Variants in RAPH1 observed in about 807,000 individuals in gnomAD.
RAPH1 encodes the protein ras-associated and pleckstrin homology domains-containing protein 1.
Under a neutral mutation model 88.1 loss-of-function variants are expected in RAPH1, and 18 were observed. The observed-to-expected ratio is 0.20, with a 90% CI of 0.14 to 0.30. The LOEUF is 0.30. Among genes scored for constraint, RAPH1 ranks in the 10% least tolerant of loss-of-function variants. The pLI is 1.00. For missense variants in RAPH1, 1,448 were observed against 1,543.2 expected (o/e 0.94, Z 1.03); for synonymous variants, 587 against 559.0 (o/e 1.05, Z -0.71).
At chr2:203,458,479 C>T (rs1039889537) in intron 7 of RAPH1, among the ~76,000 whole-genome samples, 1 of 152,226 alleles carries the variant, frequency 6.6e-6, no homozygotes, top group African/African-American at 2.4e-5. Flanking sequence ...ATACCAAAAT[C>T]TGCTGATGCT....
chr2:203,534,505 TCCACC>T (rs1351753050), intron 1 of RAPH1, among the ~76,000 whole-genome samples: 57 of 7,378 alleles, frequency 7.7e-3, no homozygotes, highest in African/African-American at 0.015. Flanking sequence ...CCTCCCTCCG[TCCACC>T]CCCCCCCCCC....
chr2:203,532,406 T>C (rs1690429067), intron 1 of RAPH1, among the ~76,000 whole-genome samples: 1 of 152,236 alleles, frequency 6.6e-6, no homozygotes, highest in Non-Finnish European at 1.5e-5. Context: ...TTGTATGTTA[T>C]GCATACTTTA....
chr2:203,502,221 G>A (rs1172148026), intron 1 of RAPH1, among the ~76,000 whole-genome samples: 1 of 152,180 alleles, frequency 6.6e-6, no homozygotes, highest in Non-Finnish European at 1.5e-5. Flanking sequence ...AAAACTGCCA[G>A]ATGGAACCAA....
Position 203,439,380 on chromosome 2 carries a change from A to G in RAPH1, c.*57T>C. On this transcript the variant is annotated 3_prime_UTR_variant, in exon 14 of 14. Coordinates refer to ENST00000319170, the MANE Select transcript of RAPH1 (RefSeq NM_213589.3). Reference sequence around the variant, plus strand: ...TGAACACCTGAATTCACAGATGATCAGGTGAGCTGATTGTAGCAGTGATTA... The same window carrying G: ...TGAACACCTGAATTCACAGATGATCGGGTGAGCTGATTGTAGCAGTGATTA... 6.6e-7 allele frequency: 1 copy of G among 1,515,506 alleles called. No individual in the cohort carries two copies. Among genetic ancestry groups the G allele is most frequent in the African/African-American group, 1.4e-5 (1 of 72,966 alleles). The allele number at this position is 1,515,506 out of a possible 1,614,324, so 93.9% of individuals were successfully genotyped here. A position where few individuals can be genotyped will look rare whatever the true frequency, so the allele number is the denominator to read the frequency against.
intron 1 of RAPH1, among the ~76,000 whole-genome samples, chr2:203,518,563 T>C (rs931742519): frequency 1.3e-5 from 2 of 151,000 alleles, no homozygotes; most frequent in African/African-American, 4.9e-5. Context: ...AAAACTACTA[T>C]AGGCCAGGTG....
At chr2:203,533,713 C>T (rs954141062) in intron 1 of RAPH1, among the ~76,000 whole-genome samples, 1 of 152,080 alleles carries the variant, frequency 6.6e-6, no homozygotes, top group African/African-American at 2.4e-5. Context: ...ATTACACTTA[C>T]CTACATTCAC....
intron 1 of RAPH1, among the ~76,000 whole-genome samples, chr2:203,504,142 A>G (rs1006427008): frequency 3.9e-5 from 6 of 152,130 alleles, no homozygotes; most frequent in Non-Finnish European, 2.9e-5. Context: ...CCCTCTTCTC[A>G]CAGCTCCACT....
At chr2:203,504,843 A>G (rs1485158962) in intron 1 of RAPH1, among the ~76,000 whole-genome samples, 1 of 152,130 alleles carries the variant, frequency 6.6e-6, no homozygotes, top group Non-Finnish European at 1.5e-5. Context: ...CATCTCTCTC[A>G]ATTTCAAAGT....
At chr2:203,478,055 C>T (rs186915097) in intron 4 of RAPH1, among the ~76,000 whole-genome samples, 24 of 147,484 alleles carry the variant, frequency 1.6e-4, no homozygotes, top group South Asian at 8.5e-4. Flanking sequence ...TTTTTTGAGA[C>T]GGAGTCTTGC....
chr2:203,472,859 A>C (rs1335505074), intron 4 of RAPH1, among the ~76,000 whole-genome samples: 1 of 152,226 alleles, frequency 6.6e-6, no homozygotes, highest in African/African-American at 2.4e-5. Context: ...AAAAACTGAT[A>C]ATTTGGTTAA....
intron 1 of RAPH1, among the ~76,000 whole-genome samples, chr2:203,504,529 C>G (rs1688892464): frequency 6.6e-6 from 1 of 152,184 alleles, no homozygotes; most frequent in South Asian, 2.1e-4. Flanking sequence ...CTTTTTCCTC[C>G]TGGGCCTCTG....
At chr2:203,484,822 C>T (rs1687891244) in intron 4 of RAPH1, among the ~76,000 whole-genome samples, 1 of 152,216 alleles carries the variant, frequency 6.6e-6, no homozygotes, top group African/African-American at 2.4e-5. Flanking sequence ...TACAGATTAA[C>T]ATTCGCTGAC....
chr2:203,485,453 G>A (rs1687924257), intron 4 of RAPH1, among the ~76,000 whole-genome samples: 1 of 150,594 alleles, frequency 6.6e-6, no homozygotes, highest in South Asian at 2.1e-4. Flanking sequence ...ACACCACGAA[G>A]TCAAGGTCTA....
Position 203,439,810 on chromosome 2 carries a change from C to T in RAPH1, c.3380G>A (p.Arg1127Gln), listed in dbSNP as rs1012394432. 2 of 1,614,104 alleles carry T rather than the reference C, an allele frequency of 1.2e-6. No individual in the cohort carries two copies. The highest frequency in any genetic ancestry group is 1.3e-5 in the African/African-American group (1 of 75,016). ...TTGAGTGAGGCGGGTGCTATCATTCCGTTTGGGTCGTGTGGGTGGAGGGGC... is the reference window on the plus strand; with the variant it reads ...TTGAGTGAGGCGGGTGCTATCATTCTGTTTGGGTCGTGTGGGTGGAGGGGC... ...KKAPPPTRPK[R>Q]NDSTRLTQAE... is the part of the protein sequence containing the mutation. Residue 1127 changes from arginine (R) to glutamine (Q), a missense_variant, in exon 14 of 14, where the codon CGG (arginine) becomes CAG (glutamine). Physicochemically the swap from Arg to Gln is conservative, Grantham distance 43. Around this residue, in one of 2 missense-constraint regions of RAPH1, gnomAD observed 935 missense variants for 890.1 expected, o/e 1.05. Coordinates refer to ENST00000319170, the MANE Select transcript of RAPH1 (RefSeq NM_213589.3).
chr2:203,448,612 G>T lies in RAPH1; in HGVS notation c.1512+126C>A. On this transcript the variant is annotated intron_variant, in intron 11 of 13. Transcript: ENST00000319170. This position sits in a 1 kb window ranked among gnomAD's most constrained non-coding sequence, Gnocchi z 4.1. ...ACAACATTTAAAACTTGAAACTTAGGCCTGAAAAACGTAGGCACTGGCAAA... is the reference window on the plus strand; with the variant it reads ...ACAACATTTAAAACTTGAAACTTAGTCCTGAAAAACGTAGGCACTGGCAAA... 3.7e-6 allele frequency: 2 copies of T among 534,586 alleles called. No homozygotes were observed. The highest frequency in any genetic ancestry group is 3.9e-5 in the South Asian group (1 of 25,764). 33.1% of individuals were successfully genotyped at this position (534,586 alleles called of 1,614,324 possible).
chr2:203,506,886 ATATATATATATATTTT>A (rs1689105844), intron 1 of RAPH1, among the ~76,000 whole-genome samples: 1 of 101,992 alleles, frequency 9.8e-6, no homozygotes, highest in African/African-American at 5.4e-5. Context: ...ATATAGATAT[ATATATATATATATTTT>A]TTTTTTTTTT....
At chr2:203,489,031 C>T (rs968149982) in intron 4 of RAPH1, among the ~76,000 whole-genome samples, 1 of 151,732 alleles carries the variant, frequency 6.6e-6, no homozygotes, top group African/African-American at 2.4e-5. Flanking sequence ...GAGTCTGAGG[C>T]AGGAGAATCA....
chr2:203,449,374 G>C, intron 10 of RAPH1, among the ~76,000 whole-genome samples: 1 of 152,204 alleles, frequency 6.6e-6, no homozygotes, highest in Non-Finnish European at 1.5e-5. Context: ...GTACAGCCCT[G>C]TAGGTCCCAC....
In RAPH1 at chr2:203,447,181, CTTT is replaced by C. The variant is rs1161851720; in HGVS notation, c.1633+775_1633+777del. 1.3e-4 allele frequency: 16 copies of C among 127,990 alleles called. No individual in the cohort carries two copies. The East Asian group carries it at 3.1e-3, about 25-fold the overall frequency. 7.9% of individuals were successfully genotyped at this position (127,990 alleles called of 1,614,324 possible). ...TGAGAGCCTTGGTTTTCTTTTCTTT[CTTT>C]TTTTTTTTTTTTTTTGAAGAATGGT... is the stretch of plus-strand genomic sequence containing the variant. On this transcript the variant is annotated intron_variant, in intron 12 of 13. Transcript: ENST00000319170.
Sources: gnomAD v4.1 joint callset for allele counts (sites outside exome capture counted in the v4.1 genomes callset) on GRCh38, gnomAD v4.1.1 for gene constraint, gnomAD v4.1.1 regional missense constraint, Gnocchi (gnomAD v3.1) non-coding constraint, MANE v1.5 for transcripts, NCBI Gene and HGNC (gene_info 2026-07-23, HGNC 2026-07-21) for gene names.